Variants in TTLL12 observed in about 807,000 individuals in gnomAD.
TTLL12 encodes the protein tubulin tyrosine ligase like 12, also known as tubulin--tyrosine ligase-like protein 12.
Under a neutral mutation model 79.6 loss-of-function variants are expected in TTLL12, and 77 were observed. The observed-to-expected ratio is 0.97, with a 90% CI of 0.81 to 1.17. The LOEUF (loss-of-function observed/expected upper bound fraction) is 1.17, where lower values mean the gene tolerates loss of function less well. Ranked by LOEUF, TTLL12 falls within the 50% of genes most tolerant of loss-of-function variation. The pLI is 0.00. For missense variants in TTLL12, 969 were observed against 895.9 expected (o/e 1.08, Z -1.04); for synonymous variants, 437 against 376.1 (o/e 1.16, Z -1.87).
In TTLL12 at chr22:43,174,276, G is replaced by T; in HGVS notation, c.1162C>A (p.Pro388Thr). Reference sequence around the variant, plus strand: ...TCAGTGCGCAGGTTGAAGGTTCGGGGCAGCCAGGGTGGGCCCTCGGGGCCA... The same window carrying T: ...TCAGTGCGCAGGTTGAAGGTTCGGGTCAGCCAGGGTGGGCCCTCGGGGCCA... The part of the protein sequence containing the change: ...AGGPEGPPWL[P>T]RTFNLRTELP... Residue 388 changes from proline to threonine, a missense_variant, in exon 8 of 14, where the codon CCC becomes ACC. Pro to Thr is a conservative substitution (Grantham distance 38). Transcript: ENST00000216129. 1 of 1,610,834 alleles carries T rather than the reference G, an allele frequency of 6.2e-7. No homozygotes were observed. The highest frequency in any genetic ancestry group is 8.5e-7 in the Non-Finnish European group (1 of 1,179,814).
At chr22:43,184,317 G>A (rs112889534) in intron 1 of TTLL12, among the ~76,000 whole-genome samples, 2 of 152,346 alleles carry the variant, frequency 1.3e-5, no homozygotes, top group African/African-American at 2.4e-5. Context: ...GGTGGCGTGA[G>A]GATGAATCAC....
intron 6 of TTLL12, chr22:43,175,707 A>C (rs9608007): frequency 0.21 from 32,001 of 151,792 alleles, 4,837 homozygotes; most frequent in East Asian, 0.81. Flanking sequence ...CTTGCTCTGT[A>C]GCCCAGGCTG....
rs377514983 is a variant in TTLL12, at chr22:43,180,947, G to T, written c.348-7C>A. On this transcript the variant is annotated splice_region_variant and splice_polypyrimidine_tract_variant and intron_variant, in intron 2 of 13. Coordinates refer to ENST00000216129, the MANE Select transcript of TTLL12 (RefSeq NM_015140.4). ...GTGGTCGATGAGGAAGATGCTGCGG[G>T]CACAGGCCACAATGTGAGGCTGCCG... is the stretch of plus-strand genomic sequence containing the variant. 9.9e-6 allele frequency: 16 copies of T among 1,608,596 alleles called. No individual in the cohort carries two copies. In the African/African-American group the frequency reaches 2.0e-4, roughly 20 times the overall value.
intron 11 of TTLL12, 166 bp downstream of exon 11, chr22:43,171,653 G>T: frequency 1.7e-6 from 1 of 589,340 alleles, no homozygotes; most frequent in East Asian, 2.8e-5. Flanking sequence ...ACCCAGCCTG[G>T]CTCATGATGG....
intron 5 of TTLL12, 145 bp downstream of exon 5, chr22:43,179,474 A>T: frequency 2.5e-6 from 3 of 1,184,740 alleles, no homozygotes; most frequent in Non-Finnish European, 3.4e-6. Flanking sequence ...CTCGTCTCTC[A>T]GAGGCTCCCA....
intron 1 of TTLL12, among the ~76,000 whole-genome samples, chr22:43,183,368 C>A (rs1932107005): frequency 6.6e-6 from 1 of 152,192 alleles, no homozygotes; most frequent in African/African-American, 2.4e-5. Context: ...ACCTAATGTA[C>A]CCCACCGTCA....
In TTLL12 at chr22:43,186,898, G is replaced by A; in HGVS notation, c.172C>T (p.His58Tyr). 1.5e-6 allele frequency: 2 copies of A among 1,313,816 alleles called. No homozygotes were observed. The highest frequency in any genetic ancestry group is 1.9e-6 in the Non-Finnish European group (2 of 1,031,608). 81.4% of individuals were successfully genotyped at this position (1,313,816 alleles called of 1,614,324 possible). Residue 58 changes from histidine to tyrosine, a missense_variant, in exon 1 of 14, where the codon CAC (histidine) becomes TAC (tyrosine). Physicochemically the swap from His to Tyr is moderately conservative, Grantham distance 83. Coordinates refer to ENST00000216129, the MANE Select transcript of TTLL12 (RefSeq NM_015140.4). ...YWGRLLHKLEHEVFDAGEVFG... is the reference protein window; with the variant it reads ...YWGRLLHKLEYEVFDAGEVFG... ...CCCGCCGCCCTTCCCCGCACCTCGT[G>A]CTCCAGCTTGTGCAGGAGGCGGCCC... is the stretch of plus-strand genomic sequence containing the variant.
intron 1 of TTLL12, among the ~76,000 whole-genome samples, chr22:43,185,434 G>C (rs1476705630): frequency 6.6e-6 from 1 of 151,824 alleles, no homozygotes; most frequent in Non-Finnish European, 1.5e-5. Context: ...CTCCACACCT[G>C]GGCCAGTAGC....
chr22:43,167,378 A>G lies in TTLL12; in HGVS notation c.*630T>C. The G allele has an allele frequency of 3.2e-6, 1 of 312,392 alleles. No homozygotes were observed. The highest frequency in any genetic ancestry group is 9.7e-5 in the East Asian group (1 of 10,354). 19.4% of individuals were successfully genotyped at this position (312,392 alleles called of 1,614,324 possible). On this transcript the variant is annotated 3_prime_UTR_variant, in exon 14 of 14. Transcript: ENST00000216129. ...GGTGGCCTCCTGCCAGGACCTCAGC[A>G]GGAGGTTTGCTGGTGAAGGTTCTGG...
At chr22:43,182,902 C>T in intron 2 of TTLL12, 78 bp downstream of exon 2, 1 of 1,536,426 alleles carries the variant, frequency 6.5e-7, no homozygotes, top group Non-Finnish European at 8.8e-7. Flanking sequence ...GGTGCAGGGC[C>T]CAGGAGAATC....
chr22:43,179,557 G>A lies in TTLL12; in HGVS notation c.840+62C>T, dbSNP rs1931998330. 1.5e-5 allele frequency: 23 copies of A among 1,502,212 alleles called. No homozygotes were observed. In the South Asian group the frequency reaches 2.6e-4, roughly 17 times the overall value. 93.1% of individuals were successfully genotyped at this position (1,502,212 alleles called of 1,614,324 possible). On this transcript the variant is annotated intron_variant, in intron 5 of 13. Coordinates refer to ENST00000216129, the MANE Select transcript of TTLL12 (RefSeq NM_015140.4). ...TGGGGTTTGATAACATTTGGTGTGT[G>A]CACAGAGAACATTCTGGAAGCTACC...
At chr22:43,170,033 T>C (rs1028668906) in intron 11 of TTLL12, 9 of 370,310 alleles carry the variant, frequency 2.4e-5, no homozygotes, top group African/African-American at 1.9e-4. Flanking sequence ...GGATGCAAGA[T>C]CTTTCTGGCC....
intron 13 of TTLL12, 58 bp downstream of exon 13, chr22:43,168,716 C>G: frequency 6.5e-7 from 1 of 1,541,172 alleles, no homozygotes; most frequent in Admixed American, 2.0e-5. Flanking sequence ...CAGGCTGTGG[C>G]TGGCTGGCGG....
In TTLL12 at chr22:43,167,553, G is replaced by A. The variant is rs1452727078; in HGVS notation, c.*455C>T. On this transcript the variant is annotated 3_prime_UTR_variant, in exon 14 of 14. Coordinates refer to ENST00000216129, the MANE Select transcript of TTLL12 (RefSeq NM_015140.4). ...ATGCATAAGAGCAGAGACCCCGGAA[G>A]AGAAACCCGCCTGCCCCGTGTGATA... The A allele has an allele frequency of 1.6e-5, 3 of 187,672 alleles. No homozygotes were observed. The highest frequency in any genetic ancestry group is 3.4e-5 in the Non-Finnish European group (3 of 89,090). 11.6% of individuals were successfully genotyped at this position (187,672 alleles called of 1,614,324 possible).
chr22:43,182,100 C>T (rs1932073223), intron 2 of TTLL12, among the ~76,000 whole-genome samples: 1 of 147,190 alleles, frequency 6.8e-6, no homozygotes, highest in Non-Finnish European at 1.5e-5. Flanking sequence ...GATCCCTAGC[C>T]TCCCCACCAC....
At chr22:43,178,270 T>A (rs947741858) in intron 5 of TTLL12, among the ~76,000 whole-genome samples, 1 of 103,738 alleles carries the variant, frequency 9.6e-6, no homozygotes, top group African/African-American at 3.7e-5. Context: ...AGCCCACCCC[T>A]GCAATCAGCA....
At chr22:43,182,914 G>A in intron 2 of TTLL12, 66 bp downstream of exon 2, 6 of 1,565,600 alleles carry the variant, frequency 3.8e-6, no homozygotes, top group Middle Eastern at 1.7e-4. Flanking sequence ...AGGAGAATCT[G>A]CATTACTGCA....
At position 43,173,686 on chromosome 22, in the gene TTLL12, C is replaced by G. The variant is rs28372914; in HGVS notation, c.1341+29G>C. The G allele has an allele frequency of 8.8e-5, 140 of 1,591,068 alleles. No individual in the cohort carries two copies. In the East Asian group the frequency reaches 3.1e-3, roughly 36 times the overall value. The stretch of plus-strand genomic sequence containing the variant: ...CTCACTGTCCAGCCAGGGCCCTGAG[C>G]CCTGGGGCTCCTGGTCTGCGGGGCC... On this transcript the variant is annotated intron_variant, in intron 9 of 13. Coordinates refer to ENST00000216129, the MANE Select transcript of TTLL12 (RefSeq NM_015140.4).
rs1279774040 is a variant in TTLL12, at chr22:43,174,386, C to T, written c.1052G>A (p.Arg351Lys). 1.6e-5 allele frequency: 25 copies of T among 1,565,086 alleles called. No homozygotes were observed. Among genetic ancestry groups the T allele is most frequent in the Non-Finnish European group, 2.2e-5 (25 of 1,150,796 alleles). Residue 351 changes from arginine (R) to lysine (K), a missense_variant, in exon 8 of 14, where the codon AGG (arginine) becomes AAG (lysine). Coordinates refer to ENST00000216129, the MANE Select transcript of TTLL12 (RefSeq NM_015140.4). Reference sequence around the variant, plus strand: ...GAACTGGTTCAGCAGCACGCCTGGCCTCTCCTGGCTGAGTTTCCTGCAGGG... The same window carrying T: ...GAACTGGTTCAGCAGCACGCCTGGCTTCTCCTGGCTGAGTTTCCTGCAGGG... ...FKDYRKLSQE[R>K]PGVLLNQFPC...
Sources: gnomAD v4.1 joint callset for allele counts (sites outside exome capture counted in the v4.1 genomes callset) on GRCh38, gnomAD v4.1.1 for gene constraint, MANE v1.5 for transcripts, NCBI Gene and HGNC (gene_info 2026-07-23, HGNC 2026-07-21) for gene names.